HORMAD1: variants seen among roughly 807,000 people sequenced by gnomAD.
The protein encoded by HORMAD1 is HORMA domain containing 1, also known as HORMA domain-containing protein 1.
Under a neutral mutation model 58.2 loss-of-function variants are expected in HORMAD1, and 33 were observed. The ratio of observed to expected loss-of-function variants is 0.57; its 90% CI spans 0.43 to 0.76. The LOEUF (loss-of-function observed/expected upper bound fraction) is 0.76, where lower values mean the gene tolerates loss of function less well. HORMAD1 is among the 30% of genes least tolerant of loss of function. HORMAD1 has a pLI of 0.00. For synonymous variants in HORMAD1, 137 were observed against 144.6 expected (o/e 0.95, Z 0.38); for missense variants, 363 against 462.0 (o/e 0.79, Z 1.96).
intron 4 of HORMAD1, 86 bp downstream of exon 4, chr1:150,714,529 G>T: frequency 1.8e-6 from 1 of 569,726 alleles, no homozygotes; most frequent in East Asian, 3.3e-5. Context: ...ACTAAAATTT[G>T]GTTAAACACC....
Position 150,711,552 on chromosome 1 carries a change from T to C in HORMAD1, c.320A>G (p.Asp107Gly). ...VVLAVYTNPE[D>G]PQTISECYQF... Reference sequence around the variant, plus strand: ...TAACTCAAGCACACTTACCTGAGGATCTTCTGGGTTTGTGTATACCTATTT... The same window carrying C: ...TAACTCAAGCACACTTACCTGAGGACCTTCTGGGTTTGTGTATACCTATTT... The change falls in exon 7 of 15, where the codon GAT becomes GGT. Residue 107 changes from aspartate to glycine, a missense_variant. By Grantham distance (94) the Asp-to-Gly change is moderately conservative. Transcript: ENST00000361824. 1 of 1,602,008 alleles carries C rather than the reference T, an allele frequency of 6.2e-7. No homozygotes were observed. The highest frequency in any genetic ancestry group is 2.2e-5 in the East Asian group (1 of 44,676).
chr1:150,700,889 C>T (rs1039876918), intron 13 of HORMAD1, among the ~76,000 whole-genome samples: 10 of 152,000 alleles, frequency 6.6e-5, no homozygotes, highest in East Asian at 5.8e-4. Context: ...TCCCATCTTT[C>T]GGCTATTGTG....
At chr1:150,704,681 A>G (rs1405225453) in intron 10 of HORMAD1, among the ~76,000 whole-genome samples, 1 of 152,114 alleles carries the variant, frequency 6.6e-6, no homozygotes, top group African/African-American at 2.4e-5. Context: ...AGGCTGCAGT[A>G]GCCGTGATCA....
intron 3 of HORMAD1, 96 bp from the exon 4 acceptor site, chr1:150,714,774 G>C: frequency 4.3e-6 from 2 of 464,900 alleles, no homozygotes; most frequent in South Asian, 5.2e-5. Context: ...TGTATTACAG[G>C]TAAATTATTA....
rs144942550 is a variant in HORMAD1 at position 150,711,999 on chromosome 1, C to T, written c.280-146G>A. On this transcript the variant is annotated intron_variant, in intron 5 of 14. Coordinates refer to ENST00000361824, the MANE Select transcript of HORMAD1 (RefSeq NM_032132.5). ...GATCTTGACTGCATAAGATCAATGC[C>T]TATAATGCAGTACCTTAGATATGCT... 3.9e-3 allele frequency: 2,481 copies of T among 631,572 alleles called. 46 individuals carry two copies. In the African/African-American group the frequency reaches 0.041, roughly 10 times the overall value. The allele number at this position is 631,572 out of a possible 1,614,324, so 39.1% of individuals were successfully genotyped here.
intron 7 of HORMAD1, 79 bp from the exon 8 acceptor site, chr1:150,709,040 T>G: frequency 1.3e-6 from 1 of 746,432 alleles, no homozygotes; most frequent in Non-Finnish European, 2.4e-6. Flanking sequence ...TTTGTATGAC[T>G]CAACATTTAG....
At chr1:150,713,559 T>C (rs1032419469) in intron 5 of HORMAD1, among the ~76,000 whole-genome samples, 1 of 152,070 alleles carries the variant, frequency 6.6e-6, no homozygotes, top group African/African-American at 2.4e-5. Flanking sequence ...TTTCATCTTC[T>C]TCACAATTAG....
At chr1:150,705,241 T>A (rs1466122622) in intron 10 of HORMAD1, among the ~76,000 whole-genome samples, 2 of 149,486 alleles carry the variant, frequency 1.3e-5, no homozygotes, top group African/African-American at 4.9e-5. Context: ...ATATACAACT[T>A]TCGGCCAGGC....
chr1:150,707,938 A>G (rs1651749420), intron 9 of HORMAD1, among the ~76,000 whole-genome samples: 1 of 152,168 alleles, frequency 6.6e-6, no homozygotes, highest in Non-Finnish European at 1.5e-5. Context: ...TCTGTCTCAA[A>G]CAAAAAAAAG....
chr1:150,709,152 G>C (rs910465302), intron 7 of HORMAD1, among the ~76,000 whole-genome samples, 191 bp from the exon 8 acceptor site: 4 of 152,160 alleles, frequency 2.6e-5, no homozygotes, highest in African/African-American at 4.8e-5. Flanking sequence ...CAGTCTTGGA[G>C]AGACATTTAT....
intron 13 of HORMAD1, among the ~76,000 whole-genome samples, chr1:150,701,343 T>A (rs1436364782): frequency 6.6e-6 from 1 of 152,212 alleles, no homozygotes; most frequent in Non-Finnish European, 1.5e-5. Context: ...CTTGCTTTCA[T>A]GAGATACTCA....
intron 3 of HORMAD1, 27 bp from the exon 4 acceptor site, chr1:150,714,705 A>T: frequency 1.7e-6 from 2 of 1,184,366 alleles, no homozygotes; most frequent in Non-Finnish European, 2.4e-6. Flanking sequence ...TGAAATATAG[A>T]GTTACTTAAG....
intron 3 of HORMAD1, among the ~76,000 whole-genome samples, chr1:150,716,822 G>C (rs937870191): frequency 2.6e-5 from 4 of 151,674 alleles, no homozygotes; most frequent in Non-Finnish European, 5.9e-5. Flanking sequence ...AATTAGCCGG[G>C]CGTGGTGGCG....
At chr1:150,699,560 C>A (rs761270373) in intron 14 of HORMAD1, among the ~76,000 whole-genome samples, 8 of 150,698 alleles carry the variant, frequency 5.3e-5, no homozygotes, top group Non-Finnish European at 1.0e-4. Flanking sequence ...GAGTCTTGGT[C>A]TGTCGCCAGG....
intron 3 of HORMAD1, among the ~76,000 whole-genome samples, chr1:150,716,783 G>GA (rs372839783): frequency 0.096 from 14,485 of 151,328 alleles, 850 homozygotes; most frequent in Non-Finnish European, 0.14. Context: ...CTAACACGGT[G>GA]AAACCCCGTC....
At chr1:150,719,674 C>A (rs956830569) in intron 1 of HORMAD1, 136 bp from the exon 2 acceptor site, 6 of 482,296 alleles carry the variant, frequency 1.2e-5, no homozygotes, top group African/African-American at 1.0e-4. Flanking sequence ...TCTTCAAAAA[C>A]GTAGAGGTCG....
intron 3 of HORMAD1, among the ~76,000 whole-genome samples, chr1:150,715,378 T>C (rs1652037348): frequency 6.6e-6 from 1 of 152,150 alleles, no homozygotes; most frequent in Admixed American, 6.5e-5. Flanking sequence ...AAGCAACATG[T>C]AACACAGTGG....
intron 7 of HORMAD1, among the ~76,000 whole-genome samples, chr1:150,709,448 G>GTA (rs1651793599): frequency 6.6e-6 from 1 of 152,228 alleles, no homozygotes; most frequent in Admixed American, 6.5e-5. Context: ...TTTACAAGCA[G>GTA]TATACTTAGT....
intron 5 of HORMAD1, among the ~76,000 whole-genome samples, chr1:150,712,795 T>C (rs1016571474): frequency 6.6e-6 from 1 of 152,162 alleles, no homozygotes; most frequent in African/African-American, 2.4e-5. Flanking sequence ...GATCCACGTG[T>C]CTTGGCCTCC....
Sources: allele counts gnomAD v4.1 joint callset (sites outside exome capture counted in the v4.1 genomes callset), GRCh38; gene constraint gnomAD v4.1.1; transcripts MANE v1.5; gene names NCBI Gene and HGNC (gene_info 2026-07-23, HGNC 2026-07-21).